The following SMOC1 variants were observed in gnomAD, a reference collection of about 807,000 sequenced individuals.
SMOC1 encodes the protein SPARC-related modular calcium-binding protein 1.
In SMOC1, 22 loss-of-function variants were observed where a neutral mutation model predicts 56.3. That is an observed-to-expected ratio of 0.39 (90% CI 0.28 to 0.56). SMOC1 has a LOEUF of 0.56. SMOC1 is among the 20% of genes least tolerant of loss of function. The pLI, the probability that SMOC1 is intolerant of heterozygous loss-of-function variation, is 0.61. For synonymous variants in SMOC1, 193 were observed against 215.0 expected (o/e 0.90, Z 0.89); for missense variants, 509 against 565.4 (o/e 0.90, Z 1.01).
At chr14:69,975,565 C>A in intron 3 of SMOC1, 150 bp from the exon 4 acceptor site, 1 of 711,464 alleles carries the variant, frequency 1.4e-6, no homozygotes, top group Non-Finnish European at 2.5e-6. Context: ...ACTGGACCAC[C>A]CATGAGAGAC....
intron 1 of SMOC1, among the ~76,000 whole-genome samples, chr14:69,896,656 T>C (rs1884107232): frequency 6.6e-6 from 1 of 152,224 alleles, no homozygotes; most frequent in South Asian, 2.1e-4. Context: ...TAAATAAAGC[T>C]CATTTTTTGT....
intron 1 of SMOC1, among the ~76,000 whole-genome samples, chr14:69,903,269 G>T (rs1028445724): frequency 6.6e-5 from 10 of 150,692 alleles, no homozygotes; most frequent in Admixed American, 2.6e-4. Context: ...GCCCAGCCGC[G>T]ACCCCCTCTG....
intron 7 of SMOC1, among the ~76,000 whole-genome samples, chr14:70,001,510 A>G (rs918989222): frequency 3.3e-5 from 5 of 152,152 alleles, no homozygotes; most frequent in Admixed American, 2.0e-4. Flanking sequence ...ACTCTTAGCT[A>G]TATGTGCATA....
intron 1 of SMOC1, among the ~76,000 whole-genome samples, chr14:69,910,487 G>A (rs753125958): frequency 5.9e-5 from 9 of 152,336 alleles, no homozygotes; most frequent in Non-Finnish European, 1.2e-4. Context: ...TGGCCAGGCA[G>A]GAGGCATGAA....
At chr14:69,948,413 T>C (rs1252569002) in intron 1 of SMOC1, among the ~76,000 whole-genome samples, 1 of 152,218 alleles carries the variant, frequency 6.6e-6, no homozygotes, top group Non-Finnish European at 1.5e-5. Context: ...GAATGATCTC[T>C]GTGTGTTGGG....
intron 3 of SMOC1, among the ~76,000 whole-genome samples, chr14:69,961,770 C>T (rs780171121): frequency 6.6e-6 from 1 of 152,092 alleles, no homozygotes; most frequent in Non-Finnish European, 1.5e-5. Flanking sequence ...TTGGCATATA[C>T]CTAGGAGTAG....
chr14:70,003,189 G>T (rs1885030621), intron 7 of SMOC1, among the ~76,000 whole-genome samples: 1 of 152,168 alleles, frequency 6.6e-6, no homozygotes, highest in South Asian at 2.1e-4. Flanking sequence ...TTTTTGATAA[G>T]AGACTAGGTG....
chr14:69,903,711 C>G (rs1328092192), intron 1 of SMOC1, among the ~76,000 whole-genome samples: 2 of 152,040 alleles, frequency 1.3e-5, no homozygotes, highest in Non-Finnish European at 2.9e-5. Context: ...GCAGCATGCT[C>G]GTTAATAGTC....
At chr14:69,998,084 A>G (rs1395618422) in intron 7 of SMOC1, among the ~76,000 whole-genome samples, 1 of 152,168 alleles carries the variant, frequency 6.6e-6, no homozygotes, top group African/African-American at 2.4e-5. Flanking sequence ...CAATAACATG[A>G]CACATATGCC....
chr14:70,004,955 C>A (rs1453755242), intron 7 of SMOC1, among the ~76,000 whole-genome samples: 2 of 152,202 alleles, frequency 1.3e-5, no homozygotes, highest in African/African-American at 4.8e-5. Flanking sequence ...TGTTCTTTCT[C>A]CAAAAAGCTT....
chr14:69,990,523 G>A (rs375649748), intron 5 of SMOC1, among the ~76,000 whole-genome samples: 1 of 152,110 alleles, frequency 6.6e-6, no homozygotes, highest in Admixed American at 6.5e-5. Context: ...CTCTGTATCT[G>A]GCAGGCACAA....
chr14:69,940,759 T>C (rs1322366226), intron 1 of SMOC1, among the ~76,000 whole-genome samples: 1 of 151,828 alleles, frequency 6.6e-6, no homozygotes, highest in Non-Finnish European at 1.5e-5. Flanking sequence ...TTTCCCTCAA[T>C]GCTAGTGGGC....
At chr14:70,006,914 C>T (rs1885166071) in intron 7 of SMOC1, among the ~76,000 whole-genome samples, 2 of 152,176 alleles carry the variant, frequency 1.3e-5, no homozygotes, top group East Asian at 3.9e-4. Context: ...CTCTTGAGGC[C>T]TCGGCCTGAC....
intron 11 of SMOC1, among the ~76,000 whole-genome samples, chr14:70,029,207 A>G (rs1203348825): frequency 6.6e-6 from 1 of 152,206 alleles, no homozygotes; most frequent in Non-Finnish European, 1.5e-5. Flanking sequence ...CTGCTGGAGC[A>G]GGCGTGGCAG....
intron 1 of SMOC1, among the ~76,000 whole-genome samples, chr14:69,888,602 C>T (rs11621436): frequency 0.53 from 81,018 of 151,996 alleles, 24,327 homozygotes; most frequent in East Asian, 0.8. Context: ...TGAACAACTA[C>T]GCCTCGCCTC....
At chr14:69,887,722 A>G (rs935172503) in intron 1 of SMOC1, among the ~76,000 whole-genome samples, 2 of 152,326 alleles carry the variant, frequency 1.3e-5, no homozygotes, top group East Asian at 1.9e-4. Context: ...CGTCTGCATC[A>G]GGTGGCCTAA....
intron 7 of SMOC1, among the ~76,000 whole-genome samples, chr14:69,998,994 C>A (rs1042369509): frequency 6.6e-6 from 1 of 152,184 alleles, no homozygotes; most frequent in Non-Finnish European, 1.5e-5. Flanking sequence ...TTCTCTACAT[C>A]ATTGAATGGA....
intron 7 of SMOC1, among the ~76,000 whole-genome samples, chr14:69,998,312 A>T (rs1216935726): frequency 1.3e-5 from 2 of 152,140 alleles, no homozygotes; most frequent in Non-Finnish European, 2.9e-5. Context: ...TGCATTCAGG[A>T]AGACAATGTA....
chr14:70,013,246 C>T, intron 9 of SMOC1, 140 bp from the exon 10 acceptor site: 1 of 753,854 alleles, frequency 1.3e-6, no homozygotes, highest in Non-Finnish European at 2.3e-6. Flanking sequence ...TGAGACTCAT[C>T]TGATCAGTAA....
Sources: gnomAD v4.1 joint callset for allele counts (sites outside exome capture counted in the v4.1 genomes callset) on GRCh38, gnomAD v4.1.1 for gene constraint, MANE v1.5 for transcripts, NCBI Gene and HGNC (gene_info 2026-07-23, HGNC 2026-07-21) for gene names.